GUCA1B: variants seen among roughly 807,000 people sequenced by gnomAD.
The protein encoded by GUCA1B is guanylyl cyclase-activating protein 2.
Under a neutral mutation model 24.2 loss-of-function variants are expected in GUCA1B, and 22 were observed. That is an observed-to-expected ratio of 0.91 (90% confidence interval 0.65 to 1.30). GUCA1B has a LOEUF of 1.30. GUCA1B is among the 50% of genes most tolerant of loss of function. The pLI is 0.00. For synonymous variants in GUCA1B, 100 were observed against 97.9 expected (o/e 1.02, Z -0.13); for missense variants, 221 against 258.8 (o/e 0.85, Z 1.00).
At chr6:42,185,358 CTAT>C (rs1373014768) in intron 3 of GUCA1B, among the ~76,000 whole-genome samples, 1 of 152,198 alleles carries the variant, frequency 6.6e-6, no homozygotes, top group East Asian at 1.9e-4. Context: ...CTCTCAACCA[CTAT>C]TATTATCCCC....
chr6:42,190,646 G>A (rs1450823528), intron 1 of GUCA1B, among the ~76,000 whole-genome samples: 1 of 152,018 alleles, frequency 6.6e-6, no homozygotes, highest in Non-Finnish European at 1.5e-5. Context: ...AGGAGCCTGA[G>A]ACCCAGAGGT....
In GUCA1B at chr6:42,184,764, C is replaced by T. The variant is rs763418440; in HGVS notation, c.*51G>A. 6 of 1,588,330 alleles carry T rather than the reference C, an allele frequency of 3.8e-6. No individual in the cohort carries two copies. In the South Asian group the frequency reaches 5.5e-5, roughly 15 times the overall value. ...GCAGGCTGAGCCAGGGACCCTCCTA[C>T]TACCCTGGAAACCTGGGTGAGCCTG... On this transcript the variant is annotated 3_prime_UTR_variant, in exon 4 of 4. Transcript: ENST00000230361.
Position 42,184,419 on chromosome 6 carries a change from C to T in GUCA1B, c.*396G>A, listed in dbSNP as rs1768159326. 6.2e-6 allele frequency: 2 copies of T among 321,616 alleles called. No homozygotes were observed. The highest frequency in any genetic ancestry group is 7.9e-5 in the Admixed American group (2 of 25,224). 19.9% of individuals were successfully genotyped at this position (321,616 alleles called of 1,614,324 possible). On this transcript the variant is annotated 3_prime_UTR_variant, in exon 4 of 4. Transcript: ENST00000230361. ...CCTGCCTTTTCTTCAGTCTCAACAC[C>T]CTCCCACCCCTGCCTCCTACCAGTC...
intron 1 of GUCA1B, among the ~76,000 whole-genome samples, chr6:42,189,726 G>A (rs1242851635): frequency 6.6e-6 from 1 of 152,246 alleles, no homozygotes; most frequent in Non-Finnish European, 1.5e-5. Flanking sequence ...TCACCAGGAA[G>A]CAACAGAACC....
rs564140672 is a variant in GUCA1B at position 42,190,414 on chromosome 6, A to T, written c.208-1683T>A. 1.6e-4 allele frequency among the ~76,000 whole-genome samples: 21 copies of T among 131,006 alleles called. No homozygotes were observed. In the East Asian group the frequency reaches 3.8e-3, roughly 24 times the overall value. The allele number at this position is 131,006 out of a possible 152,430, so 85.9% of individuals were successfully genotyped here. On this transcript the variant is annotated intron_variant, in intron 1 of 3. Transcript: ENST00000230361. ...GGGTACTGAACATTCCCTTTGTTGA[A>T]TATATTTCTAATATTTTCCATTAAA...
At chr6:42,190,508 C>A (rs1404496045) in intron 1 of GUCA1B, among the ~76,000 whole-genome samples, 1 of 151,862 alleles carries the variant, frequency 6.6e-6, no homozygotes, top group East Asian at 1.9e-4. Context: ...AGGGTAGACA[C>A]TTAGCAATGG....
chr6:42,187,265 C>G (rs934938369), intron 2 of GUCA1B, among the ~76,000 whole-genome samples: 1 of 152,034 alleles, frequency 6.6e-6, no homozygotes, highest in Non-Finnish European at 1.5e-5. Context: ...CCACCCCACC[C>G]GGCTAATTTT....
At chr6:42,187,397 C>A (rs1259885729) in intron 2 of GUCA1B, among the ~76,000 whole-genome samples, 2 of 148,600 alleles carry the variant, frequency 1.3e-5, no homozygotes, top group African/African-American at 5.2e-5. Context: ...GGCCACCGTG[C>A]CCGGCCAAGG....
At chr6:42,191,946 C>T (rs1768310958) in intron 1 of GUCA1B, among the ~76,000 whole-genome samples, 1 of 147,488 alleles carries the variant, frequency 6.8e-6, no homozygotes, top group Non-Finnish European at 1.5e-5. Flanking sequence ...TCAAAAATGT[C>T]ACAGTCAAAT....
At chr6:42,185,241 C>A (rs1448258965) in intron 3 of GUCA1B, among the ~76,000 whole-genome samples, 1 of 152,182 alleles carries the variant, frequency 6.6e-6, no homozygotes, top group African/African-American at 2.4e-5. Flanking sequence ...CAGCTCTCTC[C>A]CCACATAGCC....
In GUCA1B at chr6:42,184,907, G is replaced by A. The variant is rs370510441; in HGVS notation, c.511C>T (p.Arg171Cys). The change falls in exon 4 of 4, where the codon CGT becomes TGT. Residue 171 changes from arginine to cysteine, a missense_variant. Arg to Cys is a radical substitution (Grantham distance 180). Coordinates refer to ENST00000230361, the MANE Select transcript of GUCA1B (RefSeq NM_002098.6). ...ATCTTCATCACCCACTTGTCCCGAC[G>A]GGCACCTTCAACAAACTCGTTCAGA... Reference protein sequence around the residue: ...LSLNEFVEGARRDKWVMKMLQ... With the variant: ...LSLNEFVEGACRDKWVMKMLQ... The A allele has an allele frequency of 1.1e-4, 183 of 1,613,916 alleles. No homozygotes were observed. Among genetic ancestry groups the A allele is most frequent in the African/African-American group, 2.7e-4 (20 of 74,900 alleles).
In GUCA1B at chr6:42,184,486, C is replaced by T; in HGVS notation, c.*329G>A. The T allele has an allele frequency of 2.6e-6, 1 of 390,670 alleles. No individual in the cohort carries two copies. The highest frequency in any genetic ancestry group is 4.9e-6 in the Non-Finnish European group (1 of 203,302). 24.2% of individuals were successfully genotyped at this position (390,670 alleles called of 1,614,324 possible). A position where few individuals can be genotyped will look rare whatever the true frequency, so the allele number is the denominator to read the frequency against. ...TGATTTGGTCTGTGGGACCCTCACCCCTCAGTTGGCTCTTGCTTCCAACTG... is the reference window on the plus strand; with the variant it reads ...TGATTTGGTCTGTGGGACCCTCACCTCTCAGTTGGCTCTTGCTTCCAACTG... On this transcript the variant is annotated 3_prime_UTR_variant, in exon 4 of 4. Coordinates refer to ENST00000230361, the MANE Select transcript of GUCA1B (RefSeq NM_002098.6).
At chr6:42,193,488 CCAGCTTTCT>C (rs1768344395) in intron 1 of GUCA1B, among the ~76,000 whole-genome samples, 3 of 152,222 alleles carry the variant, frequency 2.0e-5, no homozygotes, top group Admixed American at 2.0e-4. Context: ...TCCCTTTTGC[CCAGCTTTCT>C]CATCATTTAA....
rs752166155 is a variant in GUCA1B at position 42,184,770 on chromosome 6, T to G, written c.*45A>C. 8 of 1,602,106 alleles carry G rather than the reference T, an allele frequency of 5.0e-6. No homozygotes were observed. In the South Asian group the frequency reaches 8.8e-5, roughly 18 times the overall value. ...TGAGCCAGGGACCCTCCTACTACCCTGGAAACCTGGGTGAGCCTGGAGTCG... is the reference window on the plus strand; with the variant it reads ...TGAGCCAGGGACCCTCCTACTACCCGGGAAACCTGGGTGAGCCTGGAGTCG... On this transcript the variant is annotated 3_prime_UTR_variant, in exon 4 of 4. Transcript: ENST00000230361.
chr6:42,194,258 C>A (rs372403571), intron 1 of GUCA1B, among the ~76,000 whole-genome samples: 1 of 152,186 alleles, frequency 6.6e-6, no homozygotes, highest in Non-Finnish European at 1.5e-5. Context: ...GGGGCTCTGG[C>A]AGATGCGAAA....
chr6:42,189,327 C>T (rs1018048906), intron 1 of GUCA1B, among the ~76,000 whole-genome samples: 8 of 152,216 alleles, frequency 5.3e-5, no homozygotes, highest in African/African-American at 1.9e-4. Context: ...ATGTTATATG[C>T]TCCTGGGGAA....
intron 2 of GUCA1B, among the ~76,000 whole-genome samples, chr6:42,186,363 C>T (rs150934973): frequency 7.2e-5 from 11 of 152,124 alleles, no homozygotes; most frequent in African/African-American, 2.6e-4. Flanking sequence ...GAGGCCGAGG[C>T]GGGTGGATCA....
In GUCA1B at chr6:42,190,512, G is replaced by A. The variant is rs374557835; in HGVS notation, c.208-1781C>T. On this transcript the variant is annotated intron_variant, in intron 1 of 3. Coordinates refer to ENST00000230361, the MANE Select transcript of GUCA1B (RefSeq NM_002098.6). ...TTTCTTTTTTTAGGGTAGACACTTA[G>A]CAATGGTTGTCAGTTCTTTAAAAGG... is the stretch of plus-strand genomic sequence containing the variant. Among the ~76,000 whole-genome samples, 53 of 151,702 alleles carry A rather than the reference G, an allele frequency of 3.5e-4. 1 individual carries two copies. In the East Asian group the frequency reaches 9.5e-3, roughly 27 times the overall value.
Position 42,192,389 on chromosome 6 carries a change from AGAAAAGAAAAG to A in GUCA1B, c.207+2214_207+2224del, listed in dbSNP as rs1768325325. Among the ~76,000 whole-genome samples the A allele has an allele frequency of 4.5e-3, 17 of 3,764 alleles. 1 individual carries two copies. The highest frequency in any genetic ancestry group is 6.6e-3 in the African/African-American group (17 of 2,588). The allele number at this position is 3,764 out of a possible 152,430, so 2.5% of individuals were successfully genotyped here. A position where few individuals can be genotyped will look rare whatever the true frequency, so the allele number is the denominator to read the frequency against. ...AAAAAAAAAAAAAAAAAGAGAGAAA[AGAAAAGAAAAG>A]AAAAGAAAAAGGAAAAAAGAAAGAA... On this transcript the variant is annotated intron_variant, in intron 1 of 3. Coordinates refer to ENST00000230361, the MANE Select transcript of GUCA1B (RefSeq NM_002098.6).
Sources: allele counts gnomAD v4.1 joint callset (sites outside exome capture counted in the v4.1 genomes callset), GRCh38; gene constraint gnomAD v4.1.1; transcripts MANE v1.5; gene names NCBI Gene and HGNC (gene_info 2026-07-23, HGNC 2026-07-21).